The following TBC1D23 variants were observed in gnomAD, a reference collection of about 807,000 sequenced individuals.
The protein encoded by TBC1D23 is HCV non-structural protein 4A-transactivated protein 1.
In TBC1D23, 55 loss-of-function variants were observed where a neutral mutation model predicts 91.4. The ratio of observed to expected loss-of-function variants is 0.60; its 90% CI spans 0.48 to 0.75. The LOEUF (loss-of-function observed/expected upper bound fraction) is 0.75, where lower values mean the gene tolerates loss of function less well. Among genes scored for constraint, TBC1D23 ranks in the 30% least tolerant of loss-of-function variants. TBC1D23 has a pLI of 0.00. For synonymous variants in TBC1D23, 289 were observed against 281.0 expected (o/e 1.03, Z -0.28); for missense variants, 725 against 836.1 (o/e 0.87, Z 1.64).
intron 15 of TBC1D23, among the ~76,000 whole-genome samples, chr3:100,312,135 C>T (rs978280703): frequency 2.0e-5 from 3 of 152,060 alleles, no homozygotes; most frequent in Non-Finnish European, 4.4e-5. Flanking sequence ...TAAGTTTGTT[C>T]AAAACCTGCA....
intron 1 of TBC1D23, 87 bp downstream of exon 1, chr3:100,261,158 G>A: frequency 1.5e-6 from 2 of 1,354,958 alleles, no homozygotes; most frequent in Middle Eastern, 2.3e-4. Flanking sequence ...GTCTGGCGTC[G>A]GCATGGAACG....
intron 15 of TBC1D23, among the ~76,000 whole-genome samples, chr3:100,313,106 G>A (rs1705658058): frequency 6.6e-6 from 1 of 151,858 alleles, no homozygotes; most frequent in Non-Finnish European, 1.5e-5. Flanking sequence ...CCTACACAAC[G>A]CCAATTACAG....
At chr3:100,268,674 G>A (rs1299114561) in intron 1 of TBC1D23, among the ~76,000 whole-genome samples, 1 of 152,194 alleles carries the variant, frequency 6.6e-6, no homozygotes, top group Admixed American at 6.5e-5. Context: ...TTAGGCAAAA[G>A]TTACACTCTG....
chr3:100,290,517 T>C, intron 4 of TBC1D23, 61 bp from the exon 5 acceptor site: 1 of 1,503,724 alleles, frequency 6.7e-7, no homozygotes, highest in Non-Finnish European at 9.2e-7. Flanking sequence ...GAAGATTGGT[T>C]ACTGATGTGA....
intron 12 of TBC1D23, among the ~76,000 whole-genome samples, chr3:100,305,827 G>T (rs1388548493): frequency 1.3e-5 from 2 of 152,272 alleles, no homozygotes; most frequent in African/African-American, 4.8e-5. Context: ...TGTTAAACAT[G>T]TATTGGCCCT....
At chr3:100,281,674 T>C in intron 2 of TBC1D23, 68 bp from the exon 3 acceptor site, 1 of 986,842 alleles carries the variant, frequency 1.0e-6, no homozygotes, top group Non-Finnish European at 1.6e-6. Context: ...CCTTTAATTA[T>C]TACAGCATAT....
At position 100,321,546 on chromosome 3, in the gene TBC1D23, A is replaced by T. The variant is rs530435368; in HGVS notation, c.2018+575A>T. On this transcript the variant is annotated intron_variant, in intron 18 of 18. Coordinates refer to ENST00000394144, the MANE Select transcript of TBC1D23 (RefSeq NM_001199198.3). Reference sequence around the variant, plus strand: ...CCCAGATCCTAACACTTAGTTTGTGACAGAACCAAATATAGCCTTCCTGAC... The same window carrying T: ...CCCAGATCCTAACACTTAGTTTGTGTCAGAACCAAATATAGCCTTCCTGAC... Among the ~76,000 whole-genome samples the T allele has an allele frequency of 9.8e-5, 15 of 152,336 alleles. No individual in the cohort carries two copies. In the South Asian group the frequency reaches 2.7e-3, roughly 27 times the overall value.
At chr3:100,286,424 C>G (rs977260482) in intron 4 of TBC1D23, among the ~76,000 whole-genome samples, 6 of 152,108 alleles carry the variant, frequency 3.9e-5, no homozygotes, top group Non-Finnish European at 4.4e-5. Flanking sequence ...GCCCTCCAGC[C>G]AGGGCCAGCA....
At chr3:100,278,949 T>A (rs1384961883) in intron 1 of TBC1D23, among the ~76,000 whole-genome samples, 1 of 152,218 alleles carries the variant, frequency 6.6e-6, no homozygotes, top group Middle Eastern at 3.2e-3. Flanking sequence ...GGCATGATAC[T>A]GATGTAGTCA....
At chr3:100,296,361 G>A (rs994429039) in intron 8 of TBC1D23, 86 bp downstream of exon 8, 42 of 788,756 alleles carry the variant, frequency 5.3e-5, no homozygotes, top group South Asian at 5.2e-4. Context: ...GTTAAAATAG[G>A]TTGTCAATTT....
chr3:100,319,273 T>C (rs1705808337), intron 17 of TBC1D23, 69 bp downstream of exon 17: 2 of 1,271,750 alleles, frequency 1.6e-6, no homozygotes, highest in Non-Finnish European at 2.2e-6. Flanking sequence ...AAAACTGAAC[T>C]ACAGAAGAAC....
chr3:100,278,086 A>G (rs1241257018), intron 1 of TBC1D23, among the ~76,000 whole-genome samples: 1 of 152,226 alleles, frequency 6.6e-6, no homozygotes, highest in Non-Finnish European at 1.5e-5. Flanking sequence ...GCAACGCTTT[A>G]TGAAATTTAT....
chr3:100,264,935 T>C (rs899317228), intron 1 of TBC1D23, among the ~76,000 whole-genome samples: 5 of 152,206 alleles, frequency 3.3e-5, no homozygotes, highest in African/African-American at 1.2e-4. Context: ...AGGTGGAACT[T>C]GAGAGTCTCT....
chr3:100,293,054 A>G (rs565628531), intron 5 of TBC1D23, among the ~76,000 whole-genome samples: 9 of 152,188 alleles, frequency 5.9e-5, no homozygotes, highest in Non-Finnish European at 1.2e-4. Context: ...ATTCGTGCTG[A>G]TAGCTGGAGG....
chr3:100,302,648 G>A (rs988830318), intron 11 of TBC1D23, among the ~76,000 whole-genome samples: 10 of 151,888 alleles, frequency 6.6e-5, no homozygotes, highest in Admixed American at 2.6e-4. Flanking sequence ...GTGCAGTGGC[G>A]CCATCTTGAC....
Position 100,320,861 on chromosome 3 carries a change from A to G in TBC1D23, c.1908A>G (p.Gln636=). The change falls in exon 18 of 19, where the codon CAA becomes CAG. Residue 636 remains glutamine, a synonymous_variant. Coordinates refer to ENST00000394144, the MANE Select transcript of TBC1D23 (RefSeq NM_001199198.3). The part of the protein sequence containing the change: ...RKGLAYIQSR[Q]ALNSVVKITS... Reference sequence around the variant, plus strand: ...GATTGGCTTATATACAGTCTCGACAAGCGCTGAATTCTGTAGTTAAAATTA... The same window carrying G: ...GATTGGCTTATATACAGTCTCGACAGGCGCTGAATTCTGTAGTTAAAATTA... The G allele has an allele frequency of 6.8e-6, 11 of 1,613,248 alleles. No homozygotes were observed. Among genetic ancestry groups the G allele is most frequent in the Non-Finnish European group, 9.3e-6 (11 of 1,179,420 alleles).
intron 15 of TBC1D23, among the ~76,000 whole-genome samples, chr3:100,314,154 A>G (rs557895767): frequency 1.0e-3 from 128 of 127,418 alleles, no homozygotes; most frequent in African/African-American, 3.7e-3. Context: ...GCTGGAGTGC[A>G]GTGGCGCAAT....
At chr3:100,318,645 T>C (rs1196801589) in intron 16 of TBC1D23, among the ~76,000 whole-genome samples, 1 of 151,226 alleles carries the variant, frequency 6.6e-6, no homozygotes, top group Non-Finnish European at 1.5e-5. Flanking sequence ...ATTGCGTTAT[T>C]CTTTTTTTTT....
Position 100,267,082 on chromosome 3 carries a change from T to C in TBC1D23, c.53+6011T>C. On this transcript the variant is annotated intron_variant, in intron 1 of 18. Transcript: ENST00000394144. ...CCTTCCTGGGATACTTTGATTTTTT[T>C]CATCATTTTATCTCTAGGAATACTG... 5 of 218,148 alleles carry C rather than the reference T, an allele frequency of 2.3e-5. No individual in the cohort carries two copies. In the South Asian group the frequency reaches 2.5e-4, roughly 11 times the overall value. 13.5% of individuals were successfully genotyped at this position (218,148 alleles called of 1,614,324 possible).
Sources: allele counts gnomAD v4.1 joint callset (sites outside exome capture counted in the v4.1 genomes callset), GRCh38; gene constraint gnomAD v4.1.1; transcripts MANE v1.5; gene names NCBI Gene and HGNC (gene_info 2026-07-23, HGNC 2026-07-21).